MALRD1: variants seen among roughly 807,000 people sequenced by gnomAD.
MALRD1 encodes the protein MAM and LDL-receptor class A domain-containing protein 1.
In MALRD1, 247 loss-of-function variants were observed where a neutral mutation model predicts 242.1. The ratio of observed to expected loss-of-function variants is 1.02; its 90% CI spans 0.92 to 1.13. MALRD1 has a LOEUF of 1.13. MALRD1 is among the 50% of genes most tolerant of loss of function. The pLI, the probability that MALRD1 is intolerant of heterozygous loss-of-function variation, is 0.00. For missense variants in MALRD1, 2,989 were observed against 2,533.1 expected, an observed-to-expected ratio of 1.18 and a Z score of -3.86; for synonymous variants, 995 against 866.6, an observed-to-expected ratio of 1.15 and a Z score of -2.60.
intron 38 of MALRD1, among the ~76,000 whole-genome samples, chr10:19,715,686 C>T (rs927549247): frequency 2.0e-5 from 3 of 152,182 alleles, no homozygotes; most frequent in Non-Finnish European, 4.4e-5. Context: ...ATTTGTTTGG[C>T]TGGCGGTTCT....
At chr10:19,109,051 G>A (rs11008507) in intron 5 of MALRD1, among the ~76,000 whole-genome samples, 19,193 of 151,948 alleles carry the variant, frequency 0.13, 1,580 homozygotes, top group Non-Finnish European at 0.19. Context: ...GTATTGGTTA[G>A]GTAGGGTACA....
chr10:19,231,696 G>A (rs953985188), intron 18 of MALRD1, among the ~76,000 whole-genome samples: 1 of 152,124 alleles, frequency 6.6e-6, no homozygotes, highest in Non-Finnish European at 1.5e-5. Context: ...GGCCTCCCCA[G>A]CCATGTGGAA....
intron 21 of MALRD1, among the ~76,000 whole-genome samples, chr10:19,307,839 C>A (rs747226925): frequency 6.6e-6 from 1 of 151,452 alleles, no homozygotes; most frequent in Non-Finnish European, 1.5e-5. Context: ...TTTTAATTGA[C>A]AAATAATAAT....
intron 28 of MALRD1, among the ~76,000 whole-genome samples, chr10:19,445,099 G>A (rs976938493): frequency 9.2e-5 from 14 of 152,040 alleles, no homozygotes; most frequent in African/African-American, 3.1e-4. Context: ...TGATTGAATC[G>A]GCTACTGAAG....
At chr10:19,064,508 C>CT (rs569891101) in intron 1 of MALRD1, among the ~76,000 whole-genome samples, 4,704 of 142,234 alleles carry the variant, frequency 0.033, 75 homozygotes, top group Non-Finnish European at 0.038. Flanking sequence ...TTCAGGATTG[C>CT]TTTTTTTTTT....
At chr10:19,427,089 G>C (rs959506377) in intron 28 of MALRD1, among the ~76,000 whole-genome samples, 1 of 152,092 alleles carries the variant, frequency 6.6e-6, no homozygotes, top group Admixed American at 6.6e-5. Context: ...TTATCGCTTA[G>C]TTTTATATTT....
intron 28 of MALRD1, among the ~76,000 whole-genome samples, chr10:19,442,231 G>A (rs1307163363): frequency 1.3e-5 from 2 of 152,102 alleles, no homozygotes; most frequent in African/African-American, 4.8e-5. Flanking sequence ...AGGAGATTTG[G>A]GGCTGAGACG....
chr10:19,508,033 G>A (rs1404589018), intron 31 of MALRD1, among the ~76,000 whole-genome samples: 2 of 143,978 alleles, frequency 1.4e-5, no homozygotes, highest in Non-Finnish European at 3.0e-5. Flanking sequence ...AAGTCAATAT[G>A]AAGCATTATT....
rs565739569 is a variant in MALRD1 at position 19,168,419 on chromosome 10, G to T, written c.1830+2609G>T. 5.3e-5 allele frequency among the ~76,000 whole-genome samples: 8 copies of T among 152,268 alleles called. No individual in the cohort carries two copies. In the South Asian group the frequency reaches 1.7e-3, roughly 32 times the overall value. On this transcript the variant is annotated intron_variant, in intron 13 of 39. Coordinates refer to ENST00000454679, the MANE Select transcript of MALRD1 (RefSeq NM_001142308.3). ...TCACCAAGAAGATCGTTCAGAGTTTGTCATTAATTGACATATTGAGAAGAA... is the reference window on the plus strand; with the variant it reads ...TCACCAAGAAGATCGTTCAGAGTTTTTCATTAATTGACATATTGAGAAGAA...
At chr10:19,457,830 C>G (rs1046542725) in intron 29 of MALRD1, among the ~76,000 whole-genome samples, 8 of 150,862 alleles carry the variant, frequency 5.3e-5, no homozygotes, top group African/African-American at 2.0e-4. Flanking sequence ...TTTAATAGTA[C>G]TAGTTTAAGT....
At chr10:19,269,462 A>G (rs1840104903) in intron 19 of MALRD1, among the ~76,000 whole-genome samples, 1 of 152,388 alleles carries the variant, frequency 6.6e-6, no homozygotes, top group Non-Finnish European at 1.5e-5. Context: ...AAGTTAAATG[A>G]GTTGACCTCA....
At chr10:19,227,870 G>A (rs1837868129) in intron 18 of MALRD1, among the ~76,000 whole-genome samples, 1 of 152,056 alleles carries the variant, frequency 6.6e-6, no homozygotes, top group Non-Finnish European at 1.5e-5. Context: ...AAAGATACTT[G>A]ACATTACATG....
chr10:19,482,431 A>G (rs1205897887), intron 29 of MALRD1, among the ~76,000 whole-genome samples: 1 of 152,056 alleles, frequency 6.6e-6, no homozygotes, highest in Non-Finnish European at 1.5e-5. Flanking sequence ...AGCCAGAGCA[A>G]TGAGGGAAGA....
At chr10:19,526,239 A>C (rs1028217903) in intron 31 of MALRD1, among the ~76,000 whole-genome samples, 3 of 152,060 alleles carry the variant, frequency 2.0e-5, no homozygotes, top group African/African-American at 7.2e-5. Context: ...TATTTCTGAA[A>C]GTATAATTCA....
At chr10:19,325,713 A>G (rs749132008) in intron 22 of MALRD1, among the ~76,000 whole-genome samples, 2 of 152,146 alleles carry the variant, frequency 1.3e-5, no homozygotes, top group Non-Finnish European at 2.9e-5. Context: ...GAGTAGGGCT[A>G]TCTTGCTGGA....
At chr10:19,587,322 G>A (rs994219164) in intron 33 of MALRD1, among the ~76,000 whole-genome samples, 5 of 152,190 alleles carry the variant, frequency 3.3e-5, no homozygotes, top group African/African-American at 1.2e-4. Context: ...TGTAACAGGT[G>A]CATTATATTT....
At chr10:19,188,967 G>A (rs1044275059) in intron 14 of MALRD1, among the ~76,000 whole-genome samples, 3 of 151,970 alleles carry the variant, frequency 2.0e-5, no homozygotes, top group Non-Finnish European at 4.4e-5. Context: ...GCAAATCAAA[G>A]AAATCAAACA....
At chr10:19,351,132 G>A (rs1259645201) in intron 25 of MALRD1, among the ~76,000 whole-genome samples, 4 of 152,128 alleles carry the variant, frequency 2.6e-5, no homozygotes, top group African/African-American at 9.7e-5. Flanking sequence ...TCTTCTTGTA[G>A]AGTATGATAT....
At chr10:19,270,653 A>G (rs1490998888) in intron 19 of MALRD1, among the ~76,000 whole-genome samples, 1 of 152,200 alleles carries the variant, frequency 6.6e-6, no homozygotes, top group East Asian at 1.9e-4. Context: ...GAATTGCAAA[A>G]GAAGCACAAT....
Sources: allele counts gnomAD v4.1 joint callset (sites outside exome capture counted in the v4.1 genomes callset), GRCh38; gene constraint gnomAD v4.1.1; transcripts MANE v1.5; gene names NCBI Gene and HGNC (gene_info 2026-07-23, HGNC 2026-07-21).